TRPC7: variants seen among roughly 807,000 people sequenced by gnomAD.
The protein encoded by TRPC7 is short transient receptor potential channel 7.
Under a neutral mutation model 90.1 loss-of-function variants are expected in TRPC7, and 42 were observed. That is an observed-to-expected ratio of 0.47 (90% CI 0.36 to 0.60). TRPC7 has a LOEUF of 0.60. TRPC7 is among the 20% of genes least tolerant of loss of function. The probability of loss-of-function intolerance (pLI) is 0.00; values close to 1 mark genes in which losing one functional copy is unlikely to be tolerated. For synonymous variants in TRPC7, 451 were observed against 436.3 expected (o/e 1.03, Z -0.42); for missense variants, 955 against 1,112.3 (o/e 0.86, Z 2.01).
At chr5:136,323,698 C>T (rs1759267020) in intron 2 of TRPC7, among the ~76,000 whole-genome samples, 1 of 152,182 alleles carries the variant, frequency 6.6e-6, no homozygotes, top group Non-Finnish European at 1.5e-5. Context: ...TATGCTTATC[C>T]TTTCACTAAT....
At chr5:136,355,740 G>A (rs1760348730) in intron 2 of TRPC7, among the ~76,000 whole-genome samples, 1 of 152,210 alleles carries the variant, frequency 6.6e-6, no homozygotes, top group Non-Finnish European at 1.5e-5. Context: ...AGAGCTTGCA[G>A]TGAGCCAAGA....
In TRPC7 at chr5:136,315,631, C is replaced by T. The variant is rs761595859; in HGVS notation, c.929G>A (p.Arg310Gln). The change falls in exon 3 of 12, where the codon CGG (arginine) becomes CAG (glutamine). Residue 310 changes from arginine (R) to glutamine (Q), a missense_variant. Physicochemically the swap from Arg to Gln is conservative, Grantham distance 43. Around this residue, in one of 4 missense-constraint regions of TRPC7, gnomAD observed 484 missense variants for 509.6 expected, o/e 0.95. Coordinates refer to ENST00000513104, the MANE Select transcript of TRPC7 (RefSeq NM_020389.3). ...WSDHHRPSLS[R>Q]IKLAIKYEVK... ...TTCATATTTAATGGCGAGTTTGATC[C>T]GGCTCAGACTTGGACGGTGGTGGTC... The T allele has an allele frequency of 1.9e-5, 31 of 1,613,620 alleles. No individual in the cohort carries two copies. Among genetic ancestry groups the T allele is most frequent in the East Asian group, 6.7e-5 (3 of 44,880 alleles).
At chr5:136,334,858 G>A (rs1759602376) in intron 2 of TRPC7, among the ~76,000 whole-genome samples, 1 of 152,248 alleles carries the variant, frequency 6.6e-6, no homozygotes, top group Admixed American at 6.5e-5. Flanking sequence ...TGATCTAGAA[G>A]TGGTAAGAGG....
In TRPC7 at chr5:136,315,684, G is replaced by A. The variant is rs574852917; in HGVS notation, c.876C>T (p.Asn292=). ...ACCAGACTTGGAAGTTCACATCACCGTTTAAAATTGCTTCCACCTCTTCTG... is the reference window on the plus strand; with the variant it reads ...ACCAGACTTGGAAGTTCACATCACCATTTAAAATTGCTTCCACCTCTTCTG... ...RDTEEVEAIL[N]GDVNFQVWSD... The change falls in exon 3 of 12, where the codon AAC becomes AAT. Residue 292 remains asparagine, a synonymous_variant. Transcript: ENST00000513104. The A allele has an allele frequency of 4.2e-5, 67 of 1,613,998 alleles. No individual in the cohort carries two copies. Among genetic ancestry groups the A allele is most frequent in the Admixed American group, 1.3e-4 (8 of 60,008 alleles).
intron 10 of TRPC7, among the ~76,000 whole-genome samples, chr5:136,220,839 A>G (rs897936450): frequency 1.3e-5 from 2 of 151,904 alleles, no homozygotes; most frequent in Non-Finnish European, 2.9e-5. Flanking sequence ...TCATGGTCCT[A>G]CCGATATATG....
intron 2 of TRPC7, among the ~76,000 whole-genome samples, chr5:136,351,288 A>G (rs544820898): frequency 1.3e-5 from 2 of 152,250 alleles, no homozygotes; most frequent in African/African-American, 4.8e-5. Flanking sequence ...CACACATAAA[A>G]CTTCCCTTTA....
intron 3 of TRPC7, among the ~76,000 whole-genome samples, chr5:136,310,640 G>A (rs1758795877): frequency 6.6e-6 from 1 of 152,162 alleles, no homozygotes; most frequent in South Asian, 2.1e-4. Flanking sequence ...CCCAAACCAA[G>A]CTGCATCCCA....
intron 8 of TRPC7, among the ~76,000 whole-genome samples, chr5:136,229,453 C>T (rs922967429): frequency 1.3e-5 from 2 of 152,106 alleles, no homozygotes; most frequent in African/African-American, 4.8e-5. Context: ...GAAGCCCTAA[C>T]CCCCAGCAAG....
chr5:136,297,955 G>C (rs1389058719), intron 3 of TRPC7, among the ~76,000 whole-genome samples: 1 of 150,412 alleles, frequency 6.6e-6, no homozygotes, highest in Non-Finnish European at 1.5e-5. Context: ...GAAGACTTAG[G>C]TGCTACACAT....
At chr5:136,225,186 G>C (rs935569708) in intron 10 of TRPC7, 88 bp downstream of exon 10, 28 of 1,157,740 alleles carry the variant, frequency 2.4e-5, no homozygotes, top group Middle Eastern at 4.0e-4. Context: ...CTGTGTTCTC[G>C]GGGGATGACA....
chr5:136,361,608 TG>T (rs1331059100), intron 1 of TRPC7, among the ~76,000 whole-genome samples: 3 of 152,180 alleles, frequency 2.0e-5, no homozygotes, highest in Non-Finnish European at 2.9e-5. Context: ...TTAATCAAAA[TG>T]TTTTTTTAGA....
intron 7 of TRPC7, among the ~76,000 whole-genome samples, chr5:136,245,131 C>T (rs1756296660): frequency 6.6e-6 from 1 of 152,212 alleles, no homozygotes; most frequent in Admixed American, 6.5e-5. Flanking sequence ...GATTTAAGCA[C>T]TTGCCCAAGG....
In TRPC7 at chr5:136,247,616, G is replaced by C; in HGVS notation, c.1699C>G (p.Pro567Ala). The change falls in exon 7 of 12, where the codon CCC becomes GCC. Residue 567 changes from proline to alanine, a missense_variant. Coordinates refer to ENST00000513104, the MANE Select transcript of TRPC7 (RefSeq NM_020389.3). The surrounding 1 kb of genome is among the most constrained non-coding windows in gnomAD (Gnocchi z 4.2). ...GTTCTCCCTAGCGAGATCTGCAGGG[G>C]CCCAAAACTCTCGTTGGCTGGCAGA... ...YILPANESFG[P>A]LQISLGRTVK... 1 of 1,613,950 alleles carries C rather than the reference G, an allele frequency of 6.2e-7. No individual in the cohort carries two copies. Among genetic ancestry groups the C allele is most frequent in the African/African-American group, 1.3e-5 (1 of 75,036 alleles).
chr5:136,226,213 A>C lies in TRPC7; in HGVS notation c.2083T>G (p.Trp695Gly). The C allele has an allele frequency of 6.4e-7, 1 of 1,552,190 alleles. No homozygotes were observed. The highest frequency in any genetic ancestry group is 1.2e-5 in the South Asian group (1 of 84,098). ...VEWKFARAKLWLSYFDEGRTL... is the reference protein window; with the variant it reads ...VEWKFARAKLGLSYFDEGRTL... ...CTTCCTTCATCAAAGTAAGACAGCCAGAGTTTTGCTCGGGCGAACTTCCAT... is the reference window on the plus strand; with the variant it reads ...CTTCCTTCATCAAAGTAAGACAGCCCGAGTTTTGCTCGGGCGAACTTCCAT... The change falls in exon 9 of 12, where the codon TGG becomes GGG. Residue 695 changes from tryptophan to glycine, a missense_variant. Trp to Gly is a radical substitution (Grantham distance 184, BLOSUM62 -2). Transcript: ENST00000513104.
At chr5:136,324,549 A>T (rs960210517) in intron 2 of TRPC7, among the ~76,000 whole-genome samples, 2 of 152,172 alleles carry the variant, frequency 1.3e-5, no homozygotes, top group African/African-American at 4.8e-5. Context: ...TTTGATCCAT[A>T]AATCTCCCAA....
chr5:136,315,647 G>A lies in TRPC7; in HGVS notation c.913C>T (p.Arg305Cys), dbSNP rs1440978507. 5 of 1,613,834 alleles carry A rather than the reference G, an allele frequency of 3.1e-6. No homozygotes were observed. Among genetic ancestry groups the A allele is most frequent in the South Asian group, 2.2e-5 (2 of 91,066 alleles). The change falls in exon 3 of 12, where the codon CGT (arginine) becomes TGT (cysteine). Residue 305 changes from arginine to cysteine, a missense_variant. Arg to Cys is a radical substitution (Grantham distance 180). Around this residue, in one of 4 missense-constraint regions of TRPC7, gnomAD observed 484 missense variants for 509.6 expected, o/e 0.95. Transcript: ENST00000513104. The part of the protein sequence containing the change: ...VNFQVWSDHH[R>C]PSLSRIKLAI... ...AGTTTGATCCGGCTCAGACTTGGACGGTGGTGGTCGGACCAGACTTGGAAG... is the reference window on the plus strand; with the variant it reads ...AGTTTGATCCGGCTCAGACTTGGACAGTGGTGGTCGGACCAGACTTGGAAG...
chr5:136,233,731 C>A (rs996933854), intron 7 of TRPC7, among the ~76,000 whole-genome samples: 1 of 152,178 alleles, frequency 6.6e-6, no homozygotes, highest in Non-Finnish European at 1.5e-5. Flanking sequence ...CCCTTTCTTA[C>A]CTTGGAACAA....
intron 3 of TRPC7, among the ~76,000 whole-genome samples, chr5:136,275,192 C>A (rs1273132419): frequency 6.6e-6 from 1 of 152,124 alleles, no homozygotes; most frequent in Non-Finnish European, 1.5e-5. Context: ...GGGCAGAGTT[C>A]ACTTGGGAAG....
intron 5 of TRPC7, among the ~76,000 whole-genome samples, chr5:136,253,662 C>T (rs1263671226): frequency 6.6e-6 from 1 of 152,138 alleles, no homozygotes; most frequent in African/African-American, 2.4e-5. Context: ...CTGACTGCTC[C>T]ACTGACCTGC....
Sources: allele counts gnomAD v4.1 joint callset (sites outside exome capture counted in the v4.1 genomes callset), GRCh38; gene constraint gnomAD v4.1.1; regional missense constraint gnomAD v4.1.1; non-coding constraint Gnocchi (gnomAD v3.1); transcripts MANE v1.5; gene names NCBI Gene and HGNC (gene_info 2026-07-23, HGNC 2026-07-21).